Variants in CCDC178 observed in about 807,000 individuals in gnomAD.
The protein encoded by CCDC178 is coiled-coil domain containing 178.
In CCDC178, 126 loss-of-function variants were observed where a neutral mutation model predicts 117.4. That is an observed-to-expected ratio of 1.07 (90% CI 0.93 to 1.24). The LOEUF is 1.24. Ranked by LOEUF, CCDC178 falls within the 50% of genes most tolerant of loss-of-function variation. The probability of loss-of-function intolerance (pLI) is 0.00; values close to 1 mark genes in which losing one functional copy is unlikely to be tolerated. For synonymous variants in CCDC178, 283 were observed against 313.4 expected (o/e 0.90, Z 1.02); for missense variants, 1,030 against 986.9 (o/e 1.04, Z -0.59).
intron 11 of CCDC178, among the ~76,000 whole-genome samples, chr18:33,294,529 C>T (rs2062081791): frequency 6.6e-6 from 1 of 152,112 alleles, no homozygotes. Context: ...TATGCACCAA[C>T]CCTGATTCCA....
At chr18:33,151,437 G>A (rs2058340339) in intron 20 of CCDC178, among the ~76,000 whole-genome samples, 4 of 151,884 alleles carry the variant, frequency 2.6e-5, no homozygotes, top group Admixed American at 6.6e-5. Context: ...AAACAAATGC[G>A]GAAAAGCTTA....
chr18:33,239,347 C>A (rs1417956192), intron 15 of CCDC178, among the ~76,000 whole-genome samples: 2 of 151,870 alleles, frequency 1.3e-5, no homozygotes, highest in African/African-American at 2.4e-5. Context: ...ATTAATTCCT[C>A]ATTTATCAAT....
At chr18:33,104,040 A>T (rs273025) in intron 20 of CCDC178, among the ~76,000 whole-genome samples, 1 of 151,624 alleles carries the variant, frequency 6.6e-6, no homozygotes, top group Non-Finnish European at 1.5e-5. Context: ...GAAAGTGCCA[A>T]TGGGCAATTT....
At chr18:33,045,225 T>C (rs1028175038) in intron 21 of CCDC178, among the ~76,000 whole-genome samples, 5 of 152,332 alleles carry the variant, frequency 3.3e-5, no homozygotes, top group Non-Finnish European at 5.9e-5. Context: ...ATAGAGTCCC[T>C]ATGAAGATTA....
chr18:33,070,725 T>C (rs1344541724), intron 21 of CCDC178, among the ~76,000 whole-genome samples: 1 of 152,104 alleles, frequency 6.6e-6, no homozygotes, highest in East Asian at 1.9e-4. Flanking sequence ...CTTAAATAGC[T>C]TGATTTTATC....
chr18:33,116,992 G>A (rs906625482), intron 20 of CCDC178, among the ~76,000 whole-genome samples: 3 of 152,058 alleles, frequency 2.0e-5, no homozygotes, highest in African/African-American at 7.2e-5. Context: ...TATTTGGTCT[G>A]GATGGAGAAA....
chr18:33,234,077 C>T (rs2059399058), intron 15 of CCDC178, among the ~76,000 whole-genome samples: 1 of 152,070 alleles, frequency 6.6e-6, no homozygotes, highest in African/African-American at 2.4e-5. Flanking sequence ...ATTATATTCT[C>T]AAATGTTTTG....
intron 14 of CCDC178, among the ~76,000 whole-genome samples, chr18:33,248,515 G>C (rs1853628249): frequency 6.6e-6 from 1 of 150,610 alleles, no homozygotes; most frequent in Non-Finnish European, 1.5e-5. Context: ...AGAACATGTG[G>C]TGTTTGGTTT....
intron 21 of CCDC178, 57 bp from the exon 22 acceptor site, chr18:32,974,738 G>A (rs2054998704): frequency 6.5e-7 from 1 of 1,550,300 alleles, no homozygotes; most frequent in African/African-American, 1.4e-5. Context: ...GAAATTAATG[G>A]CAGTGTTCAA....
At chr18:33,170,697 C>A (rs886335811) in intron 20 of CCDC178, among the ~76,000 whole-genome samples, 41 of 151,996 alleles carry the variant, frequency 2.7e-4, no homozygotes, top group African/African-American at 8.7e-4. Context: ...AATAAAATAG[C>A]CATATTGTTA....
chr18:33,207,217 C>T lies in CCDC178; in HGVS notation c.2238+4679G>A, dbSNP rs547355815. ...AACATAGAAAAAGAACTAAATAAAC[C>T]TTCCTATTTCATTTTAAAAACTGTA... On this transcript the variant is annotated intron_variant, in intron 20 of 22. Coordinates refer to ENST00000383096, the MANE Select transcript of CCDC178 (RefSeq NM_001105528.4). 9.2e-5 allele frequency among the ~76,000 whole-genome samples: 14 copies of T among 152,142 alleles called. No individual in the cohort carries two copies. In the East Asian group the frequency reaches 2.5e-3, roughly 27 times the overall value.
chr18:33,043,898 CA>C (rs143737922), intron 21 of CCDC178, among the ~76,000 whole-genome samples: 2,148 of 151,756 alleles, frequency 0.014, 53 homozygotes, highest in African/African-American at 0.049. Flanking sequence ...TTGTAGCAAT[CA>C]AAATCATATG....
At chr18:33,012,737 G>A (rs2055896428) in intron 21 of CCDC178, among the ~76,000 whole-genome samples, 1 of 152,052 alleles carries the variant, frequency 6.6e-6, no homozygotes, top group African/African-American at 2.4e-5. Context: ...TTATAATCAA[G>A]ATAATCTTCA....
chr18:33,293,510 T>A (rs1452057446), intron 11 of CCDC178, among the ~76,000 whole-genome samples, 198 bp from the exon 12 acceptor site: 2 of 148,544 alleles, frequency 1.3e-5, no homozygotes, highest in African/African-American at 2.5e-5. Context: ...AAAAAAAAAT[T>A]GAAAATTAGC....
chr18:32,948,006 T>C (rs1188755752), intron 22 of CCDC178, among the ~76,000 whole-genome samples: 1 of 152,142 alleles, frequency 6.6e-6, no homozygotes, highest in Non-Finnish European at 1.5e-5. Context: ...ATATCAGGTT[T>C]TCATAAATGT....
chr18:33,217,452 C>CAAT (rs1335859749), intron 18 of CCDC178, among the ~76,000 whole-genome samples: 4 of 151,928 alleles, frequency 2.6e-5, no homozygotes, highest in Non-Finnish European at 5.9e-5. Context: ...TATAATTATA[C>CAAT]CCCTTTTAAT....
At chr18:33,167,866 CTAAA>C (rs34929402) in intron 20 of CCDC178, among the ~76,000 whole-genome samples, 85 of 148,724 alleles carry the variant, frequency 5.7e-4, no homozygotes, top group South Asian at 3.5e-3. Context: ...GACTCTGTCT[CTAAA>C]TAAATAAATA....
intron 20 of CCDC178, among the ~76,000 whole-genome samples, chr18:33,161,245 C>G (rs2058458542): frequency 6.6e-6 from 1 of 152,094 alleles, no homozygotes; most frequent in Non-Finnish European, 1.5e-5. Context: ...CTTCAGAACA[C>G]TGAAAGCCTA....
At chr18:32,943,500 T>C (rs1164237852) in intron 22 of CCDC178, among the ~76,000 whole-genome samples, 1 of 152,186 alleles carries the variant, frequency 6.6e-6, no homozygotes, top group Admixed American at 6.6e-5. Context: ...TAAATTATTC[T>C]TATAAATAAA....
Sources: gnomAD v4.1 joint callset for allele counts (sites outside exome capture counted in the v4.1 genomes callset) on GRCh38, gnomAD v4.1.1 for gene constraint, MANE v1.5 for transcripts, NCBI Gene and HGNC (gene_info 2026-07-23, HGNC 2026-07-21) for gene names.